The following AGPS variants were observed in gnomAD, a reference collection of about 807,000 sequenced individuals.
The protein encoded by AGPS is alkyldihydroxyacetonephosphate synthase, peroxisomal.
Under a neutral mutation model 90.7 loss-of-function variants are expected in AGPS, and 26 were observed. The observed-to-expected ratio is 0.29, with a 90% CI of 0.21 to 0.40. The LOEUF is 0.40. Among genes scored for constraint, AGPS ranks in the 10% least tolerant of loss-of-function variants. AGPS has a pLI of 1.00. For missense variants in AGPS, 540 were observed against 816.1 expected, an observed-to-expected ratio of 0.66 and a Z score of 4.12; for synonymous variants, 294 against 285.3, an observed-to-expected ratio of 1.03 and a Z score of -0.31.
chr2:177,440,952 CT>C lies in AGPS; in HGVS notation c.638-7del. 4 of 1,609,682 alleles carry C rather than the reference CT, an allele frequency of 2.5e-6. No homozygotes were observed. The highest frequency in any genetic ancestry group is 3.4e-6 in the Non-Finnish European group (4 of 1,176,798). ...TGCCTCTGTAATTAATTTATTTTCC[CT>C]TTTTTCAACAGCATGCCATGATGAT... is the stretch of plus-strand genomic sequence containing the variant. On this transcript the variant is annotated splice_polypyrimidine_tract_variant and intron_variant, in intron 5 of 19. Coordinates refer to ENST00000264167, the MANE Select transcript of AGPS (RefSeq NM_003659.4).
intron 14 of AGPS, 30 bp from the exon 15 acceptor site, chr2:177,505,476 A>G: frequency 6.3e-7 from 1 of 1,593,378 alleles, no homozygotes; most frequent in Middle Eastern, 1.7e-4. Context: ...AAGATAAAAA[A>G]TTTATTAACA....
Position 177,420,333 on chromosome 2 carries a change from G to A in AGPS, c.325G>A (p.Gly109Ser), listed in dbSNP as rs1436506173. ...TTCTAAATTCATCTTCAATAAGAAGGGCCAAATTGAATTGACTGGGAAAAG... is the reference window on the plus strand; with the variant it reads ...TTCTAAATTCATCTTCAATAAGAAGAGCCAAATTGAATTGACTGGGAAAAG... ...NDSKFIFNKK[G>S]QIELTGKRYP... The change falls in exon 2 of 20, where the codon GGC (glycine) becomes AGC (serine). Residue 109 changes from glycine (G) to serine (S), a missense_variant. Gly to Ser is a moderately conservative substitution (Grantham distance 56). Around this residue, in one of 2 missense-constraint regions of AGPS, gnomAD observed 405 missense variants for 692.1 expected, o/e 0.59. Coordinates refer to ENST00000264167, the MANE Select transcript of AGPS (RefSeq NM_003659.4). 2 of 1,609,282 alleles carry A rather than the reference G, an allele frequency of 1.2e-6. No individual in the cohort carries two copies. Among genetic ancestry groups the A allele is most frequent in the Non-Finnish European group, 1.7e-6 (2 of 1,176,366 alleles).
intron 10 of AGPS, among the ~76,000 whole-genome samples, chr2:177,475,296 G>T (rs985506789): frequency 6.6e-6 from 1 of 152,216 alleles, no homozygotes; most frequent in African/African-American, 2.4e-5. Context: ...GATACTACTT[G>T]TCTTGGTGAG....
rs1050579274 is a variant in AGPS at position 177,518,682 on chromosome 2, T to C, written c.1698-2587T>C. ...CTTTTTCTGCCCGCCCCCCACCCCT[T>C]GCCACTATCTATCTGTCTGTATATG... is the stretch of plus-strand genomic sequence containing the variant. On this transcript the variant is annotated intron_variant, in intron 17 of 19. Transcript: ENST00000264167. 5.8e-5 allele frequency among the ~76,000 whole-genome samples: 7 copies of C among 120,276 alleles called. 1 individual carries two copies. The highest frequency in any genetic ancestry group is 2.2e-4 in the African/African-American group (7 of 31,644). The allele number at this position is 120,276 out of a possible 152,430, so 78.9% of individuals were successfully genotyped here. A position where few individuals can be genotyped will look rare whatever the true frequency, so the allele number is the denominator to read the frequency against.
chr2:177,417,835 AT>A (rs1685829959), intron 1 of AGPS, among the ~76,000 whole-genome samples: 1 of 152,210 alleles, frequency 6.6e-6, no homozygotes, highest in African/African-American at 2.4e-5. Context: ...TTATTAAAAA[AT>A]TTAATCATAT....
chr2:177,537,620 G>A (rs774093218), intron 19 of AGPS, among the ~76,000 whole-genome samples: 3 of 151,916 alleles, frequency 2.0e-5, no homozygotes, highest in Admixed American at 6.6e-5. Context: ...CTTTATGTTC[G>A]TTAAAATATT....
At chr2:177,480,581 C>T (rs7607450) in intron 10 of AGPS, among the ~76,000 whole-genome samples, 106,993 of 151,692 alleles carry the variant, frequency 0.71, 38,124 homozygotes, top group Admixed American at 0.78. Context: ...CCTGTTGTGG[C>T]GGGGGGAAGT....
intron 1 of AGPS, among the ~76,000 whole-genome samples, chr2:177,398,529 A>G (rs1405734888): frequency 6.6e-6 from 1 of 152,200 alleles, no homozygotes; most frequent in African/African-American, 2.4e-5. Context: ...CTTGCTCCAG[A>G]GTCCATATTC....
intron 10 of AGPS, among the ~76,000 whole-genome samples, chr2:177,481,695 C>T (rs367876267): frequency 7.9e-5 from 12 of 151,842 alleles, no homozygotes; most frequent in African/African-American, 1.4e-4. Flanking sequence ...TATCAAAATA[C>T]GCTTTTGTCT....
intron 1 of AGPS, among the ~76,000 whole-genome samples, chr2:177,413,249 GT>G (rs1225182660): frequency 1.3e-5 from 2 of 152,184 alleles, no homozygotes; most frequent in African/African-American, 4.8e-5. Flanking sequence ...CAAGGGTATT[GT>G]TGGTCTGTCC....
intron 10 of AGPS, among the ~76,000 whole-genome samples, chr2:177,469,017 G>A (rs530757912): frequency 1.6e-3 from 240 of 152,072 alleles, no homozygotes; most frequent in African/African-American, 5.5e-3. Flanking sequence ...TACACAAATA[G>A]TATCATTTTC....
intron 2 of AGPS, among the ~76,000 whole-genome samples, chr2:177,431,971 A>G (rs909068384): frequency 3.9e-5 from 6 of 152,340 alleles, no homozygotes; most frequent in South Asian, 2.1e-4. Context: ...ATAAATGACC[A>G]TGAAATCTTC....
At chr2:177,426,448 G>A (rs1375954888) in intron 2 of AGPS, among the ~76,000 whole-genome samples, 2 of 152,222 alleles carry the variant, frequency 1.3e-5, no homozygotes, top group Non-Finnish European at 2.9e-5. Context: ...AGTGGTGAGA[G>A]AAAGCATCCT....
intron 18 of AGPS, among the ~76,000 whole-genome samples, chr2:177,521,751 A>T (rs541240395): frequency 6.6e-6 from 1 of 152,240 alleles, no homozygotes; most frequent in African/African-American, 2.4e-5. Flanking sequence ...TGTTGTTGTA[A>T]TGTCATTCTA....
chr2:177,451,109 G>C (rs942822443), intron 8 of AGPS, among the ~76,000 whole-genome samples: 15 of 151,862 alleles, frequency 9.9e-5, no homozygotes, highest in Admixed American at 9.8e-4. Context: ...CTACAGGCAT[G>C]TGCCACCATG....
intron 1 of AGPS, among the ~76,000 whole-genome samples, chr2:177,414,345 A>G (rs2105602212): frequency 6.6e-6 from 1 of 152,188 alleles, no homozygotes; most frequent in East Asian, 1.9e-4. Context: ...AGCTGGGATT[A>G]CAGGCTTGCA....
chr2:177,528,252 C>T (rs1029903155), intron 19 of AGPS, among the ~76,000 whole-genome samples: 1 of 152,214 alleles, frequency 6.6e-6, no homozygotes, highest in African/African-American at 2.4e-5. Context: ...ACTGGTCTTT[C>T]TTCCACTCTG....
At chr2:177,437,299 G>A (rs937949729) in intron 5 of AGPS, among the ~76,000 whole-genome samples, 9 of 152,002 alleles carry the variant, frequency 5.9e-5, no homozygotes, top group African/African-American at 1.9e-4. Flanking sequence ...TCATATTTGA[G>A]ATGTCAGTGG....
intron 8 of AGPS, among the ~76,000 whole-genome samples, chr2:177,448,076 C>T (rs1461608057): frequency 2.0e-5 from 3 of 151,984 alleles, no homozygotes; most frequent in East Asian, 1.9e-4. Context: ...TTATCTGACT[C>T]GAATTTTTTT....
Sources: gnomAD v4.1 joint callset for allele counts (sites outside exome capture counted in the v4.1 genomes callset) on GRCh38, gnomAD v4.1.1 for gene constraint, gnomAD v4.1.1 regional missense constraint, MANE v1.5 for transcripts, NCBI Gene and HGNC (gene_info 2026-07-23, HGNC 2026-07-21) for gene names.